Variants in ZBTB7C observed in about 807,000 individuals in gnomAD.
ZBTB7C encodes the protein zinc finger and BTB domain containing 7C, also known as zinc finger and BTB domain-containing protein 7C.
ZBTB7C carries 8 observed loss-of-function variants against 25.7 expected under a neutral mutation model. The observed-to-expected ratio is 0.31, with a 90% CI of 0.18 to 0.56. ZBTB7C has a LOEUF of 0.56. Ranked by LOEUF, ZBTB7C falls within the 20% of genes least tolerant of loss-of-function variation. ZBTB7C has a pLI of 0.91. For synonymous variants in ZBTB7C, 394 were observed against 369.0 expected (o/e 1.07, Z -0.78); for missense variants, 824 against 855.2 (o/e 0.96, Z 0.46).
intron 3 of ZBTB7C, among the ~76,000 whole-genome samples, chr18:48,118,725 G>A (rs889245604): frequency 6.6e-6 from 1 of 152,188 alleles, no homozygotes; most frequent in Non-Finnish European, 1.5e-5. Flanking sequence ...TTCTATGAGT[G>A]ATTAGGAAAT....
chr18:48,187,904 G>T (rs974733908), intron 2 of ZBTB7C, among the ~76,000 whole-genome samples: 6 of 150,552 alleles, frequency 4.0e-5, no homozygotes, highest in African/African-American at 1.5e-4. Flanking sequence ...AGGAGTTATT[G>T]TTTAATGGGG....
intron 2 of ZBTB7C, among the ~76,000 whole-genome samples, chr18:48,334,332 C>A (rs1038105036): frequency 1.3e-5 from 2 of 152,088 alleles, no homozygotes; most frequent in African/African-American, 2.4e-5. Context: ...GCACTCACCC[C>A]GGGGGATAGA....
intron 1 of ZBTB7C, among the ~76,000 whole-genome samples, chr18:48,362,981 C>T (rs937433229): frequency 2.6e-5 from 4 of 152,166 alleles, no homozygotes; most frequent in South Asian, 2.1e-4. Flanking sequence ...GTAAACTGGA[C>T]GAAGCTAATC....
upstream of ZBTB7C, among the ~76,000 whole-genome samples, chr18:48,411,137 T>C (rs149041751): frequency 1.2e-4 from 18 of 152,272 alleles, no homozygotes; most frequent in East Asian, 3.1e-3. Flanking sequence ...GAAAACGGGC[T>C]CTGGAATAGG....
intron 2 of ZBTB7C, among the ~76,000 whole-genome samples, chr18:48,269,395 C>A (rs1184612808): frequency 1.3e-5 from 2 of 152,176 alleles, no homozygotes; most frequent in African/African-American, 4.8e-5. Flanking sequence ...ACCTAATCAC[C>A]GTCCAAAAGC....
intron 3 of ZBTB7C, among the ~76,000 whole-genome samples, chr18:48,164,306 C>T (rs979490402): frequency 3.3e-5 from 5 of 152,044 alleles, no homozygotes; most frequent in Non-Finnish European, 5.9e-5. Context: ...AGCATGTGGC[C>T]GCAACACAAC....
intron 2 of ZBTB7C, among the ~76,000 whole-genome samples, chr18:48,250,783 T>C (rs2043828924): frequency 6.6e-6 from 1 of 152,076 alleles, no homozygotes. Flanking sequence ...ACAATCTTTT[T>C]TTTTTTTTTA....
chr18:48,085,530 G>A (rs1453318251), intron 3 of ZBTB7C, among the ~76,000 whole-genome samples: 1 of 152,194 alleles, frequency 6.6e-6, no homozygotes, highest in Non-Finnish European at 1.5e-5. Context: ...CTGAGCAAGT[G>A]ACTGAACGTC....
At chr18:48,205,328 C>A (rs563021613) in intron 2 of ZBTB7C, among the ~76,000 whole-genome samples, 3 of 151,902 alleles carry the variant, frequency 2.0e-5, no homozygotes, top group Non-Finnish European at 4.4e-5. Flanking sequence ...ATACAACTTA[C>A]AATAGCATTA....
chr18:48,104,653 A>C (rs1568221322), intron 3 of ZBTB7C, among the ~76,000 whole-genome samples: 1 of 152,210 alleles, frequency 6.6e-6, no homozygotes, highest in Non-Finnish European at 1.5e-5. Flanking sequence ...TAGCTGTAAT[A>C]GAAGATGCTG....
rs560916123 is a variant in ZBTB7C, at chr18:48,213,777, G to T, written c.-78-27782C>A. On this transcript the variant is annotated intron_variant, in intron 2 of 4. Coordinates refer to ENST00000590800, the MANE Select transcript of ZBTB7C (RefSeq NM_001318841.2). ...GCTAAAGGACATGCTGGAAAATTTT[G>T]GCAGGGATGGGAATGGGCACTAAGA... Among the ~76,000 whole-genome samples, 53 of 152,290 alleles carry T rather than the reference G, an allele frequency of 3.5e-4. 1 individual carries two copies. The highest frequency in any genetic ancestry group is 1.3e-3 in the African/African-American group (53 of 41,558).
chr18:48,412,222 A>C (rs906170019), upstream of ZBTB7C, among the ~76,000 whole-genome samples: 4 of 152,246 alleles, frequency 2.6e-5, no homozygotes, highest in African/African-American at 9.6e-5. Context: ...TGTCAATATT[A>C]GTTATGGTGA....
At chr18:48,320,804 G>C (rs56289243) in intron 2 of ZBTB7C, among the ~76,000 whole-genome samples, 20,942 of 152,156 alleles carry the variant, frequency 0.14, 1,689 homozygotes, top group Non-Finnish European at 0.2. Flanking sequence ...CACCACCTCT[G>C]ATTCCACATG....
intron 2 of ZBTB7C, among the ~76,000 whole-genome samples, chr18:48,190,115 T>C (rs1205962574): frequency 6.6e-6 from 1 of 152,150 alleles, no homozygotes; most frequent in African/African-American, 2.4e-5. Flanking sequence ...TCTCTCTGCC[T>C]TGGGTGCGGG....
intron 3 of ZBTB7C, among the ~76,000 whole-genome samples, chr18:48,110,666 T>C (rs1044094459): frequency 6.6e-6 from 1 of 152,132 alleles, no homozygotes; most frequent in Non-Finnish European, 1.5e-5. Flanking sequence ...TCCAGGGCGA[T>C]GGGGAGAATT....
chr18:48,363,332 C>T (rs977467952), intron 1 of ZBTB7C, among the ~76,000 whole-genome samples: 8 of 152,176 alleles, frequency 5.3e-5, no homozygotes, highest in South Asian at 4.2e-4. Flanking sequence ...TGAGAAGTCC[C>T]GGAGTTGGAA....
chr18:48,250,224 G>A (rs1354553672), intron 2 of ZBTB7C, among the ~76,000 whole-genome samples: 2 of 152,140 alleles, frequency 1.3e-5, no homozygotes, highest in East Asian at 1.9e-4. Context: ...GGGATTGGGG[G>A]TCCAGTCTTC....
At chr18:48,293,047 C>T (rs966904109) in intron 2 of ZBTB7C, among the ~76,000 whole-genome samples, 2 of 152,224 alleles carry the variant, frequency 1.3e-5, no homozygotes, top group Non-Finnish European at 2.9e-5. Context: ...TCTGCATTGG[C>T]ACAATGTCCG....
At chr18:48,310,616 G>C (rs1013230638) in intron 2 of ZBTB7C, among the ~76,000 whole-genome samples, 1 of 152,178 alleles carries the variant, frequency 6.6e-6, no homozygotes, top group Non-Finnish European at 1.5e-5. Context: ...GCCGAGGGAA[G>C]GGGCTGTCAC....
Sources: allele counts gnomAD v4.1 joint callset (sites outside exome capture counted in the v4.1 genomes callset), GRCh38; gene constraint gnomAD v4.1.1; transcripts MANE v1.5; gene names NCBI Gene and HGNC (gene_info 2026-07-23, HGNC 2026-07-21).